Variants in LARP1B observed in about 807,000 individuals in gnomAD.
LARP1B encodes the protein La ribonucleoprotein 1B.
In LARP1B, 76 loss-of-function variants were observed where a neutral mutation model predicts 114.2. The ratio of observed to expected loss-of-function variants is 0.67; its 90% CI spans 0.55 to 0.81. LARP1B has a LOEUF of 0.81. LARP1B is among the 30% of genes least tolerant of loss of function. The pLI is 0.00. For synonymous variants in LARP1B, 345 were observed against 348.0 expected (o/e 0.99, Z 0.10); for missense variants, 1,014 against 1,075.8 (o/e 0.94, Z 0.80).
intron 15 of LARP1B, among the ~76,000 whole-genome samples, chr4:128,187,387 G>T (rs1390590285): frequency 6.6e-6 from 1 of 152,264 alleles, no homozygotes; most frequent in Admixed American, 6.5e-5. Flanking sequence ...GGAGTCAAAG[G>T]ATATTATTTT....
In LARP1B at chr4:128,086,397, C is replaced by T. The variant is rs76847075; in HGVS notation, c.358+4092C>T. 9.8e-3 allele frequency among the ~76,000 whole-genome samples: 1,498 copies of T among 152,150 alleles called. 23 individuals carry two copies. Among genetic ancestry groups the T allele is most frequent in the African/African-American group, 0.033 (1,368 of 41,492 alleles). ...CAGGCTAAGTGCAATGGCATGATCT[C>T]GGCTCACTGCAACCTTCACTTCCTA... On this transcript the variant is annotated intron_variant, in intron 5 of 19. Coordinates refer to ENST00000326639, the MANE Select transcript of LARP1B (RefSeq NM_018078.4).
intron 7 of LARP1B, among the ~76,000 whole-genome samples, chr4:128,221,542 TCC>T (rs1760033711): frequency 4.6e-5 from 7 of 152,236 alleles, no homozygotes; most frequent in Non-Finnish European, 8.8e-5. Context: ...GAAACCAGAA[TCC>T]GCTGCTATTG....
Position 128,074,926 on chromosome 4 carries a change from CTT to C in LARP1B, c.-18-7_-18-6del. 1 of 1,587,418 alleles carries C rather than the reference CTT, an allele frequency of 6.3e-7. No homozygotes were observed. Among genetic ancestry groups the C allele is most frequent in the Non-Finnish European group, 8.6e-7 (1 of 1,158,270 alleles). On this transcript the variant is annotated splice_polypyrimidine_tract_variant and splice_region_variant and intron_variant, in intron 2 of 19. Transcript: ENST00000326639. The stretch of plus-strand genomic sequence containing the variant: ...TTTCAGACCTAACACTTATTTGTTA[CTT>C]CTTAGGCTAGTGATTTCAGTGATAT...
At chr4:128,205,594 T>C (rs1481501235) in intron 17 of LARP1B, among the ~76,000 whole-genome samples, 1 of 152,212 alleles carries the variant, frequency 6.6e-6, no homozygotes, top group Non-Finnish European at 1.5e-5. Flanking sequence ...TTGTACTTTA[T>C]AATGAAAGCA....
chr4:128,124,385 A>G (rs1246806222), intron 11 of LARP1B, among the ~76,000 whole-genome samples: 1 of 152,344 alleles, frequency 6.6e-6, no homozygotes, highest in East Asian at 1.9e-4. Flanking sequence ...GTAGGGAAAC[A>G]GTATTCCAGG....
intron 12 of LARP1B, among the ~76,000 whole-genome samples, chr4:128,166,968 CTCTATATATA>C (rs1195377874): frequency 1.2e-4 from 10 of 81,036 alleles, no homozygotes; most frequent in Admixed American, 3.8e-4. Flanking sequence ...CTCTCTCTCT[CTCTATATATA>C]TATATATATA....
At chr4:128,171,192 A>G (rs1038200731) in intron 12 of LARP1B, among the ~76,000 whole-genome samples, 8 of 151,736 alleles carry the variant, frequency 5.3e-5, no homozygotes, top group African/African-American at 1.7e-4. Context: ...GCAGTGGTCT[A>G]GTCATGGCTC....
chr4:128,151,521 T>A (rs1038972626), intron 11 of LARP1B, among the ~76,000 whole-genome samples: 1 of 152,114 alleles, frequency 6.6e-6, no homozygotes, highest in African/African-American at 2.4e-5. Context: ...ATTCATGACA[T>A]TGATGTTTTT....
intron 11 of LARP1B, among the ~76,000 whole-genome samples, chr4:128,145,147 C>T (rs538963440): frequency 2.6e-5 from 4 of 152,186 alleles, no homozygotes; most frequent in South Asian, 2.1e-4. Context: ...TTTACTCTTT[C>T]GTTAGGTTAG....
At position 128,155,352 on chromosome 4, in the gene LARP1B, A is replaced by C. The variant is rs528888203; in HGVS notation, c.1525-6842A>C. 1.3e-5 allele frequency: 7 copies of C among 546,132 alleles called. No individual in the cohort carries two copies. In the East Asian group the frequency reaches 2.3e-4, roughly 18 times the overall value. The allele number at this position is 546,132 out of a possible 1,614,324, so 33.8% of individuals were successfully genotyped here. On this transcript the variant is annotated intron_variant, in intron 11 of 19. Coordinates refer to ENST00000326639, the MANE Select transcript of LARP1B (RefSeq NM_018078.4). Reference sequence around the variant, plus strand: ...AAATCTGGAAAGAGAGTCGGAAGCCAGCGGCCGTGGACCACGCGGAGCCGC... The same window carrying C: ...AAATCTGGAAAGAGAGTCGGAAGCCCGCGGCCGTGGACCACGCGGAGCCGC...
At chr4:128,153,325 ATTTAT>A (rs1733791703) in intron 11 of LARP1B, among the ~76,000 whole-genome samples, 1 of 95,926 alleles carries the variant, frequency 1.0e-5, no homozygotes, top group Non-Finnish European at 2.1e-5. Flanking sequence ...TTATTTATTT[ATTTAT>A]TTATGAGACA....
intron 15 of LARP1B, among the ~76,000 whole-genome samples, chr4:128,198,986 A>T (rs1421200591): frequency 6.6e-6 from 1 of 152,250 alleles, no homozygotes; most frequent in Admixed American, 6.5e-5. Context: ...GCCTTTAGAA[A>T]AAAAGAAAAT....
intron 10 of LARP1B, 106 bp downstream of exon 10, chr4:128,114,848 CA>C: frequency 1.0e-6 from 1 of 978,852 alleles, no homozygotes; most frequent in South Asian, 1.8e-5. Context: ...AAAAGTTTAG[CA>C]CAATTTTAAC....
In LARP1B at chr4:128,200,746, A is replaced by G. The variant is rs188893600; in HGVS notation, c.2309+81A>G. ...TTCTTTACCCAGGTAGATCCGATAG[A>G]GGGAGTTTTTAGAAAATAATTTTTA... On this transcript the variant is annotated intron_variant, in intron 17 of 19. Coordinates refer to ENST00000326639, the MANE Select transcript of LARP1B (RefSeq NM_018078.4). 211 of 1,019,548 alleles carry G rather than the reference A, an allele frequency of 2.1e-4. 1 individual carries two copies. The African/African-American group carries it at 3.3e-3, about 16-fold the overall frequency. 63.2% of individuals were successfully genotyped at this position (1,019,548 alleles called of 1,614,324 possible).
chr4:128,138,169 G>T (rs1726300910), intron 11 of LARP1B, among the ~76,000 whole-genome samples: 1 of 151,946 alleles, frequency 6.6e-6, no homozygotes, highest in Admixed American at 6.6e-5. Context: ...CACAATAGAG[G>T]ATTAATCATA....
chr4:128,062,281 G>C, intron 1 of LARP1B: 1 of 985,374 alleles, frequency 1.0e-6, no homozygotes. Context: ...TGCGGGACTT[G>C]CCGGCGCGTG....
intron 19 of LARP1B, among the ~76,000 whole-genome samples, chr4:128,207,992 T>C (rs1758049421): frequency 6.6e-6 from 1 of 151,972 alleles, no homozygotes. Flanking sequence ...ATGTCACGAA[T>C]GTAAGAAGAT....
intron 15 of LARP1B, among the ~76,000 whole-genome samples, chr4:128,188,355 A>G (rs1244307962): frequency 6.6e-6 from 1 of 152,168 alleles, no homozygotes; most frequent in East Asian, 1.9e-4. Context: ...GATTACAGGC[A>G]TGAGCCACTG....
At chr4:128,179,579 TG>T in intron 15 of LARP1B, 67 bp downstream of exon 15, 1 of 958,270 alleles carries the variant, frequency 1.0e-6, no homozygotes, top group South Asian at 1.7e-5. Flanking sequence ...AGTTACTAAT[TG>T]GATATTTCAA....
Sources: gnomAD v4.1 joint callset for allele counts (sites outside exome capture counted in the v4.1 genomes callset) on GRCh38, gnomAD v4.1.1 for gene constraint, MANE v1.5 for transcripts, NCBI Gene and HGNC (gene_info 2026-07-23, HGNC 2026-07-21) for gene names.